Variants in RNLS observed in about 807,000 individuals in gnomAD.
RNLS encodes renalase, FAD dependent amine oxidase.
Under a neutral mutation model 39.8 loss-of-function variants are expected in RNLS, and 39 were observed. The observed-to-expected ratio is 0.98, with a 90% confidence interval of 0.76 to 1.28. The LOEUF (loss-of-function observed/expected upper bound fraction) is 1.28, where lower values mean the gene tolerates loss of function less well. RNLS is among the 50% of genes most tolerant of loss of function. RNLS has a pLI of 0.00. For missense variants in RNLS, 410 were observed against 413.3 expected, an observed-to-expected ratio of 0.99 and a Z score of 0.07; for synonymous variants, 147 against 150.7, an observed-to-expected ratio of 0.98 and a Z score of 0.18.
chr10:88,176,948 G>T, the RNLS span, among the ~76,000 whole-genome samples: 1 of 152,168 alleles, frequency 6.6e-6, no homozygotes, highest in African/African-American at 2.4e-5. Context: ...GAAATCTGCT[G>T]TTAGTCTGAT....
chr10:88,555,533 C>A (rs112892392), intron 4 of RNLS, among the ~76,000 whole-genome samples: 2 of 152,178 alleles, frequency 1.3e-5, no homozygotes, highest in Non-Finnish European at 2.9e-5. Flanking sequence ...TCCCCCTTCA[C>A]GCTTCACCAT....
At chr10:88,173,601 C>T in the RNLS span, among the ~76,000 whole-genome samples, 1 of 152,038 alleles carries the variant, frequency 6.6e-6, no homozygotes, top group African/African-American at 2.4e-5. Flanking sequence ...AATATTAATT[C>T]TTACAATCCA....
At chr10:88,578,002 C>T (rs1850312334) in intron 3 of RNLS, among the ~76,000 whole-genome samples, 1 of 152,044 alleles carries the variant, frequency 6.6e-6, no homozygotes, top group Admixed American at 6.6e-5. Context: ...GTTTTAAACT[C>T]AACTAGATTC....
intron 4 of RNLS, among the ~76,000 whole-genome samples, chr10:88,538,807 C>T (rs184537360): frequency 2.6e-5 from 4 of 152,028 alleles, no homozygotes; most frequent in East Asian, 1.9e-4. Flanking sequence ...ACTTGGGCTA[C>T]GGAAGGAAGT....
intron 4 of RNLS, among the ~76,000 whole-genome samples, chr10:88,432,148 G>T (rs565705190): frequency 6.6e-6 from 1 of 151,542 alleles, no homozygotes; most frequent in East Asian, 1.9e-4. Flanking sequence ...TGGTAATTAG[G>T]TATACATGTA....
At chr10:88,420,095 T>C (rs1452534387) in intron 4 of RNLS, among the ~76,000 whole-genome samples, 2 of 151,298 alleles carry the variant, frequency 1.3e-5, no homozygotes, top group African/African-American at 4.8e-5. Flanking sequence ...AATAAGAGCA[T>C]TGGATTTAGA....
intron 4 of RNLS, among the ~76,000 whole-genome samples, chr10:88,548,106 C>G (rs1848409120): frequency 6.7e-6 from 1 of 149,858 alleles, no homozygotes; most frequent in African/African-American, 2.5e-5. Context: ...TACTAAAATA[C>G]AAAAAATTAG....
the RNLS span, chr10:88,259,338 G>A: frequency 6.6e-6 from 1 of 152,176 alleles, no homozygotes; most frequent in East Asian, 1.9e-4. Context: ...ATTTTAATTG[G>A]AGCCAGAGAC....
chr10:88,535,946 A>G (rs1002514851), intron 4 of RNLS, among the ~76,000 whole-genome samples: 1 of 152,224 alleles, frequency 6.6e-6, no homozygotes, highest in Non-Finnish European at 1.5e-5. Context: ...GATAATGCTA[A>G]GATTTTGAAG....
the RNLS span, among the ~76,000 whole-genome samples, chr10:88,172,736 A>G: frequency 6.6e-6 from 1 of 150,562 alleles, no homozygotes. Context: ...AGTCTTACTC[A>G]TAAAATCTTT....
At chr10:88,283,877 G>T (rs1843111430), downstream of RNLS, among the ~76,000 whole-genome samples, 1 of 151,990 alleles carries the variant, frequency 6.6e-6, no homozygotes, top group East Asian at 1.9e-4. Context: ...TAACTCCTGG[G>T]TGACAAAATA....
At chr10:88,474,719 G>A (rs952207818) in intron 4 of RNLS, among the ~76,000 whole-genome samples, 1 of 152,096 alleles carries the variant, frequency 6.6e-6, no homozygotes, top group African/African-American at 2.4e-5. Flanking sequence ...ATCTAAACCT[G>A]AGCATCTCAT....
At chr10:88,476,612 A>G (rs558998057) in intron 4 of RNLS, among the ~76,000 whole-genome samples, 5 of 152,278 alleles carry the variant, frequency 3.3e-5, no homozygotes, top group African/African-American at 1.2e-4. Context: ...TACACAAACA[A>G]TCTTGTAATA....
intron 4 of RNLS, among the ~76,000 whole-genome samples, chr10:88,468,722 G>A (rs1241173596): frequency 1.3e-5 from 2 of 152,142 alleles, no homozygotes; most frequent in Non-Finnish European, 2.9e-5. Context: ...GCTATGGGCT[G>A]CTGCAAGGCC....
intron 4 of RNLS, among the ~76,000 whole-genome samples, chr10:88,380,209 G>C (rs1851338665): frequency 6.6e-6 from 1 of 151,822 alleles, no homozygotes; most frequent in Admixed American, 6.6e-5. Flanking sequence ...TTGACTCTTG[G>C]GTTATTTGTC....
the RNLS span, among the ~76,000 whole-genome samples, chr10:88,248,368 T>C: frequency 1.3e-5 from 2 of 152,194 alleles, no homozygotes; most frequent in Non-Finnish European, 1.5e-5. Flanking sequence ...TCTAACTTAA[T>C]CAGGAAAGGC....
chr10:88,208,875 T>C, the RNLS span, among the ~76,000 whole-genome samples: 1 of 152,154 alleles, frequency 6.6e-6, no homozygotes, highest in Non-Finnish European at 1.5e-5. Context: ...AATAGCTCTT[T>C]GAGATGAGTG....
At chr10:88,570,989 G>GC (rs1849794687) in intron 4 of RNLS, among the ~76,000 whole-genome samples, 2 of 126,558 alleles carry the variant, frequency 1.6e-5, no homozygotes, top group Admixed American at 7.8e-5. Flanking sequence ...TTTTTGGTTT[G>GC]TTTTTTTTTT....
the RNLS span, among the ~76,000 whole-genome samples, chr10:88,190,863 G>T: frequency 6.6e-6 from 1 of 152,158 alleles, no homozygotes; most frequent in Non-Finnish European, 1.5e-5. Flanking sequence ...GCCATATTTT[G>T]TGCAGCCATC....
Sources: gnomAD v4.1 joint callset for allele counts (sites outside exome capture counted in the v4.1 genomes callset) on GRCh38, gnomAD v4.1.1 for gene constraint, MANE v1.5 for transcripts, NCBI Gene and HGNC (gene_info 2026-07-23, HGNC 2026-07-21) for gene names.